Variants in RSPO2 observed in about 807,000 individuals in gnomAD.
RSPO2 encodes the protein R-spondin 2.
A neutral mutation model predicts 30.9 loss-of-function variants in RSPO2; 14 were observed. That is an observed-to-expected ratio of 0.45 (90% CI 0.30 to 0.71). The LOEUF (loss-of-function observed/expected upper bound fraction) is 0.71. RSPO2 is among the 30% of genes least tolerant of loss of function. The probability of loss-of-function intolerance (pLI) is 0.08; values close to 1 mark genes in which losing one functional copy is unlikely to be tolerated. For synonymous variants in RSPO2, 107 were observed against 96.4 expected (o/e 1.11, Z -0.64); for missense variants, 264 against 301.9 (o/e 0.87, Z 0.93).
intron 3 of RSPO2, among the ~76,000 whole-genome samples, chr8:107,962,002 C>A (rs1392497373): frequency 6.6e-6 from 1 of 152,114 alleles, no homozygotes; most frequent in Non-Finnish European, 1.5e-5. Context: ...TTCGCAGGAC[C>A]GGTAAATTCC....
intron 2 of RSPO2, among the ~76,000 whole-genome samples, chr8:108,079,170 A>G (rs1813108153): frequency 6.6e-6 from 1 of 152,212 alleles, no homozygotes; most frequent in Non-Finnish European, 1.5e-5. Context: ...GACAAATCTT[A>G]ATATGCTACA....
intron 2 of RSPO2, among the ~76,000 whole-genome samples, chr8:108,042,642 C>A (rs1222294353): frequency 2.0e-5 from 3 of 152,108 alleles, no homozygotes; most frequent in Non-Finnish European, 4.4e-5. Context: ...ACCCAAATGA[C>A]AAAGTGGGGA....
intron 3 of RSPO2, among the ~76,000 whole-genome samples, chr8:107,961,550 G>A (rs973706660): frequency 6.6e-6 from 1 of 151,980 alleles, no homozygotes; most frequent in Non-Finnish European, 1.5e-5. Flanking sequence ...TCTATAACTC[G>A]CTCACTGCAG....
rs907824791 is a variant in RSPO2, at chr8:107,900,793, C to T, written c.*282G>A. 3.3e-6 allele frequency: 1 copy of T among 307,318 alleles called. No individual in the cohort carries two copies. The highest frequency in any genetic ancestry group is 2.1e-5 in the African/African-American group (1 of 46,578). The allele number at this position is 307,318 out of a possible 1,614,324, so 19.0% of individuals were successfully genotyped here. ...GTCCTCCAGCGGTGTTCTGCAGCCT[C>T]ACACCTCTAGCATGTCCATGGTGCC... is the stretch of plus-strand genomic sequence containing the variant. On this transcript the variant is annotated 3_prime_UTR_variant, in exon 6 of 6. Transcript: ENST00000276659.
At chr8:108,081,384 G>C (rs1012919038) in intron 2 of RSPO2, among the ~76,000 whole-genome samples, 8 of 152,204 alleles carry the variant, frequency 5.3e-5, no homozygotes, top group African/African-American at 1.9e-4. Flanking sequence ...ATCACAGATC[G>C]AGTGAGATGT....
chr8:107,998,267 A>G (rs1008722625), intron 2 of RSPO2, among the ~76,000 whole-genome samples: 3 of 152,052 alleles, frequency 2.0e-5, no homozygotes, highest in Non-Finnish European at 2.9e-5. Flanking sequence ...GGCACCAATA[A>G]CAGGGAACTT....
chr8:108,082,544 C>T lies in RSPO2; in HGVS notation c.94+1G>A, dbSNP rs778575998. ...CGCACCTTTGGCAGAGAGGGACCCA[C>T]CTCGCTTACTGCGTCTCCATCGGTT... is the stretch of plus-strand genomic sequence containing the variant. On this transcript the variant is annotated splice_donor_variant, in intron 2 of 5. Transcript: ENST00000276659. LOFTEE classifies it high-confidence loss of function. 1.2e-6 allele frequency: 2 copies of T among 1,613,412 alleles called. No homozygotes were observed. The highest frequency in any genetic ancestry group is 1.1e-5 in the South Asian group (1 of 91,058).
intron 3 of RSPO2, among the ~76,000 whole-genome samples, chr8:107,971,281 A>G (rs2130471234): frequency 6.6e-6 from 1 of 152,334 alleles, no homozygotes; most frequent in Non-Finnish European, 1.5e-5. Context: ...ACGGAAAGTC[A>G]CGACTTTTAT....
intron 2 of RSPO2, chr8:107,996,876 G>C (rs1197502796): frequency 2.2e-6 from 1 of 452,146 alleles, no homozygotes; most frequent in Admixed American, 2.4e-5. Flanking sequence ...AACCTCAACA[G>C]ACTTAAACAA....
intron 5 of RSPO2, among the ~76,000 whole-genome samples, chr8:107,947,886 C>T (rs1028269460): frequency 3.3e-5 from 5 of 152,230 alleles, no homozygotes; most frequent in South Asian, 2.1e-4. Context: ...TTCTGCGTTT[C>T]GGCCAGGTTC....
At chr8:108,047,799 C>A (rs1811949858) in intron 2 of RSPO2, among the ~76,000 whole-genome samples, 1 of 150,782 alleles carries the variant, frequency 6.6e-6, no homozygotes, top group Admixed American at 6.6e-5. Context: ...TGCAGTGAAC[C>A]AAGATCATGC....
chr8:107,982,834 A>G (rs1051775803), intron 3 of RSPO2, among the ~76,000 whole-genome samples: 2 of 152,138 alleles, frequency 1.3e-5, no homozygotes, highest in African/African-American at 4.8e-5. Context: ...CTGCTTTCCT[A>G]GTGACTTAGT....
At chr8:107,980,901 A>G (rs532604896) in intron 3 of RSPO2, among the ~76,000 whole-genome samples, 3 of 152,314 alleles carry the variant, frequency 2.0e-5, no homozygotes, top group African/African-American at 7.2e-5. Context: ...TAATGATGCT[A>G]TCTAATACTG....
In RSPO2 at chr8:108,079,185, G is replaced by C. The variant is rs538417115; in HGVS notation, c.94+3360C>G. Among the ~76,000 whole-genome samples the C allele has an allele frequency of 7.2e-4, 109 of 152,268 alleles. No homozygotes were observed. In the South Asian group the frequency reaches 0.022, roughly 31 times the overall value. On this transcript the variant is annotated intron_variant, in intron 2 of 5. Transcript: ENST00000276659. ...GACAAATCTTAATATGCTACATGGA[G>C]AGAAAAATAAGAGTTATTAATCAGC...
chr8:107,991,142 G>T (rs1364258871), intron 2 of RSPO2, among the ~76,000 whole-genome samples: 1 of 151,240 alleles, frequency 6.6e-6, no homozygotes, highest in African/African-American at 2.5e-5. Context: ...AGCTACTTGG[G>T]AGTCTAAGCC....
chr8:107,946,290 T>C (rs542515647), intron 5 of RSPO2, among the ~76,000 whole-genome samples: 2 of 152,322 alleles, frequency 1.3e-5, no homozygotes, highest in South Asian at 4.1e-4. Context: ...TTTTAGGTGG[T>C]TGGGCAAATC....
chr8:107,987,793 T>C (rs1814697211), intron 3 of RSPO2, among the ~76,000 whole-genome samples: 1 of 152,176 alleles, frequency 6.6e-6, no homozygotes, highest in South Asian at 2.1e-4. Context: ...ATATTGTCCT[T>C]GGTTGATGTA....
At chr8:107,966,241 T>C (rs1405341092) in intron 3 of RSPO2, among the ~76,000 whole-genome samples, 1 of 152,156 alleles carries the variant, frequency 6.6e-6, no homozygotes, top group Non-Finnish European at 1.5e-5. Flanking sequence ...GTAGTCCCTG[T>C]AGATTCTGGC....
chr8:107,921,124 T>C (rs1563521124), intron 5 of RSPO2, among the ~76,000 whole-genome samples: 1 of 152,112 alleles, frequency 6.6e-6, no homozygotes. Flanking sequence ...ACTGAAGGAA[T>C]TTTTTGGTGG....
Sources: allele counts gnomAD v4.1 joint callset (sites outside exome capture counted in the v4.1 genomes callset), GRCh38; gene constraint gnomAD v4.1.1; transcripts MANE v1.5; gene names NCBI Gene and HGNC (gene_info 2026-07-23, HGNC 2026-07-21).